SMAD2: variants seen among roughly 807,000 people sequenced by gnomAD.
The protein encoded by SMAD2 is MAD homolog 2.
SMAD2 carries 8 observed loss-of-function variants against 64.4 expected under a neutral mutation model. That is an observed-to-expected ratio of 0.12 (90% CI 0.07 to 0.22). SMAD2 has a LOEUF of 0.22. Ranked by LOEUF, SMAD2 falls within the 10% of genes least tolerant of loss-of-function variation. The probability of loss-of-function intolerance (pLI) is 1.00; values close to 1 mark genes in which losing one functional copy is unlikely to be tolerated. For synonymous variants in SMAD2, 203 were observed against 195.8 expected (o/e 1.04, Z -0.31); for missense variants, 289 against 561.2 (o/e 0.51, Z 4.90).
At chr18:47,915,916 GTTTT>G (rs1306694627) in intron 1 of SMAD2, among the ~76,000 whole-genome samples, 1 of 152,058 alleles carries the variant, frequency 6.6e-6, no homozygotes, top group Non-Finnish European at 1.5e-5. Flanking sequence ...ACTCTTCTGT[GTTTT>G]TTAACACCCT....
intron 1 of SMAD2, among the ~76,000 whole-genome samples, chr18:47,908,201 A>G (rs2033981060): frequency 6.6e-6 from 1 of 152,194 alleles, no homozygotes; most frequent in South Asian, 2.1e-4. Flanking sequence ...CTGCAAGTAC[A>G]TGTAGGCAAA....
At chr18:47,892,568 G>A (rs760323553) in intron 2 of SMAD2, among the ~76,000 whole-genome samples, 12 of 152,192 alleles carry the variant, frequency 7.9e-5, no homozygotes, top group Non-Finnish European at 1.8e-4. Flanking sequence ...TATGACTTTT[G>A]CATCTATGTT....
At chr18:47,915,282 T>C (rs1373130176) in intron 1 of SMAD2, among the ~76,000 whole-genome samples, 1 of 152,228 alleles carries the variant, frequency 6.6e-6, no homozygotes, top group African/African-American at 2.4e-5. Flanking sequence ...CTACATATTG[T>C]ATCCATACAA....
At chr18:47,913,293 A>G (rs560724018) in intron 1 of SMAD2, among the ~76,000 whole-genome samples, 9 of 152,332 alleles carry the variant, frequency 5.9e-5, no homozygotes, top group Non-Finnish European at 1.2e-4. Context: ...AGTTTTCTAT[A>G]AAACCTTTAC....
intron 1 of SMAD2, among the ~76,000 whole-genome samples, chr18:47,928,752 G>T (rs896119073): frequency 6.6e-6 from 1 of 152,184 alleles, no homozygotes; most frequent in Non-Finnish European, 1.5e-5. Flanking sequence ...ACTTTAGAAG[G>T]TGTGGCTAAG....
chr18:47,813,479 T>C lies in SMAD2; in HGVS notation c.*28348A>G, dbSNP rs1912268334. Reference sequence around the variant, plus strand: ...TGGAGTGCAGTGGCGCAATCTCGGCTCACTGCAACCTCTGCCTCCCGGGTT... The same window carrying C: ...TGGAGTGCAGTGGCGCAATCTCGGCCCACTGCAACCTCTGCCTCCCGGGTT... On this transcript the variant is annotated 3_prime_UTR_variant, in exon 11 of 11. Coordinates refer to ENST00000262160, the MANE Select transcript of SMAD2 (RefSeq NM_005901.6). 1 of 148,258 alleles carries C rather than the reference T, an allele frequency of 6.7e-6. No homozygotes were observed. Among genetic ancestry groups the C allele is most frequent in the Non-Finnish European group, 1.5e-5 (1 of 67,424 alleles). The allele number at this position is 148,258 out of a possible 1,614,324, so 9.2% of individuals were successfully genotyped here.
rs1294541255 is a variant in SMAD2, at chr18:47,811,869, A to G, written c.*29958T>C. 2.6e-5 allele frequency: 4 copies of G among 152,250 alleles called. No individual in the cohort carries two copies. Among genetic ancestry groups the G allele is most frequent in the South Asian group, 2.1e-4 (1 of 4,834 alleles). 9.4% of individuals were successfully genotyped at this position (152,250 alleles called of 1,614,324 possible). A position where few individuals can be genotyped will look rare whatever the true frequency, so the allele number is the denominator to read the frequency against. The stretch of plus-strand genomic sequence containing the variant: ...AAGAAGCATTTATTGCATGCCTACC[A>G]TATATAAAGCACTGCTGGAAATGTT... On this transcript the variant is annotated 3_prime_UTR_variant, in exon 11 of 11. Transcript: ENST00000262160.
At chr18:47,873,291 T>C (rs996610619) in intron 2 of SMAD2, among the ~76,000 whole-genome samples, 1 of 151,982 alleles carries the variant, frequency 6.6e-6, no homozygotes, top group African/African-American at 2.4e-5. Context: ...CAAAGAAACA[T>C]TTTAAACATA....
At chr18:47,911,065 A>ATAACTGCCAGGCGTG (rs1341277210) in intron 1 of SMAD2, among the ~76,000 whole-genome samples, 13 of 152,300 alleles carry the variant, frequency 8.5e-5, no homozygotes, top group African/African-American at 3.1e-4. Flanking sequence ...AATAATGGCC[A>ATAACTGCCAGGCGTG]TAACTGCCAG....
At chr18:47,918,315 C>G (rs1183150050) in intron 1 of SMAD2, among the ~76,000 whole-genome samples, 2 of 152,206 alleles carry the variant, frequency 1.3e-5, no homozygotes, top group Non-Finnish European at 2.9e-5. Context: ...ACCCCTTCCT[C>G]CACTGGGTTT....
chr18:47,828,482 C>T lies in SMAD2; in HGVS notation c.*13345G>A, dbSNP rs1390313556. Reference sequence around the variant, plus strand: ...GCCATGATGACGATGGCGGTTTTGTCGAATAGAAAAGGGGGAAATGTGGGG... The same window carrying T: ...GCCATGATGACGATGGCGGTTTTGTTGAATAGAAAAGGGGGAAATGTGGGG... On this transcript the variant is annotated 3_prime_UTR_variant, in exon 11 of 11. Transcript: ENST00000262160. 4 of 166,674 alleles carry T rather than the reference C, an allele frequency of 2.4e-5. No homozygotes were observed. The highest frequency in any genetic ancestry group is 1.3e-4 in the Admixed American group (2 of 15,420). 10.3% of individuals were successfully genotyped at this position (166,674 alleles called of 1,614,324 possible).
At chr18:47,878,960 C>A (rs2032425606) in intron 2 of SMAD2, among the ~76,000 whole-genome samples, 1 of 152,124 alleles carries the variant, frequency 6.6e-6, no homozygotes, top group Non-Finnish European at 1.5e-5. Context: ...CATGGTGAAA[C>A]CCCGTCTCTA....
intron 2 of SMAD2, among the ~76,000 whole-genome samples, chr18:47,887,218 T>C (rs888186106): frequency 5.3e-5 from 8 of 152,220 alleles, no homozygotes; most frequent in African/African-American, 1.9e-4. Context: ...TATCCAGATA[T>C]TTGTATTAAC....
intron 2 of SMAD2, 47 bp from the exon 3 acceptor site, chr18:47,870,611 T>A (rs747191853): frequency 8.5e-7 from 1 of 1,178,114 alleles, no homozygotes. Context: ...CATGGAAGCA[T>A]GGTTATTCAA....
At chr18:47,851,692 ATCT>A (rs1040130584) in intron 6 of SMAD2, among the ~76,000 whole-genome samples, 1 of 152,054 alleles carries the variant, frequency 6.6e-6, no homozygotes, top group African/African-American at 2.4e-5. Flanking sequence ...ACCGTTTTTC[ATCT>A]TCTATATTAT....
chr18:47,862,948 T>G (rs1165359885), intron 6 of SMAD2, among the ~76,000 whole-genome samples: 1 of 151,338 alleles, frequency 6.6e-6, no homozygotes, highest in Non-Finnish European at 1.5e-5. Flanking sequence ...TAATATCCAC[T>G]ATAAAGGAAG....
rs1913306008 is a variant in SMAD2, at chr18:47,835,234, A to T, written c.*6593T>A. ...GGTTACACTGGTCTAAGAAAGTACCAATTTGGGTTCTATATTTTGTCAAAC... is the reference window on the plus strand; with the variant it reads ...GGTTACACTGGTCTAAGAAAGTACCTATTTGGGTTCTATATTTTGTCAAAC... On this transcript the variant is annotated 3_prime_UTR_variant, in exon 11 of 11. Transcript: ENST00000262160. 9.1e-6 allele frequency: 2 copies of T among 218,924 alleles called. No individual in the cohort carries two copies. Among genetic ancestry groups the T allele is most frequent in the Non-Finnish European group, 1.8e-5 (2 of 109,046 alleles). The allele number at this position is 218,924 out of a possible 1,614,324, so 13.6% of individuals were successfully genotyped here. A position where few individuals can be genotyped will look rare whatever the true frequency, so the allele number is the denominator to read the frequency against.
intron 10 of SMAD2, 72 bp from the exon 11 acceptor site, chr18:47,842,022 TAC>T: frequency 6.7e-7 from 1 of 1,494,316 alleles, no homozygotes; most frequent in Non-Finnish European, 9.3e-7. Context: ...TATGTTTAGG[TAC>T]ACTGCATTAA....
chr18:47,864,664 C>G (rs549102841), intron 6 of SMAD2, among the ~76,000 whole-genome samples: 1 of 152,194 alleles, frequency 6.6e-6, no homozygotes, highest in East Asian at 1.9e-4. Flanking sequence ...CAGTGAAAAG[C>G]TGATCCCCAT....
Sources: gnomAD v4.1 joint callset for allele counts (sites outside exome capture counted in the v4.1 genomes callset) on GRCh38, gnomAD v4.1.1 for gene constraint, MANE v1.5 for transcripts, NCBI Gene and HGNC (gene_info 2026-07-23, HGNC 2026-07-21) for gene names.